PPARD: variants seen among roughly 807,000 people sequenced by gnomAD.
PPARD encodes the protein peroxisome proliferator activated receptor delta.
PPARD carries 6 observed loss-of-function variants against 39.5 expected under a neutral mutation model. The observed-to-expected ratio is 0.15, with a 90% CI of 0.08 to 0.30. The LOEUF (loss-of-function observed/expected upper bound fraction) is 0.30. PPARD is among the 10% of genes least tolerant of loss of function. PPARD has a pLI of 1.00. For synonymous variants in PPARD, 210 were observed against 231.3 expected, an observed-to-expected ratio of 0.91 and a Z score of 0.83; for missense variants, 397 against 596.8, an observed-to-expected ratio of 0.67 and a Z score of 3.49.
At chr6:35,364,467 T>G (rs1762081392) in intron 2 of PPARD, among the ~76,000 whole-genome samples, 1 of 148,120 alleles carries the variant, frequency 6.8e-6, no homozygotes, top group Non-Finnish European at 1.5e-5. Flanking sequence ...GGCATCTTGC[T>G]CTGTTGCCCA....
chr6:35,426,236 C>G lies in PPARD; in HGVS notation c.*157C>G, dbSNP rs200591457. 5 of 959,120 alleles carry G rather than the reference C, an allele frequency of 5.2e-6. No homozygotes were observed. Among genetic ancestry groups the G allele is most frequent in the Admixed American group, 2.8e-5 (1 of 35,276 alleles). The allele number at this position is 959,120 out of a possible 1,614,324, so 59.4% of individuals were successfully genotyped here. On this transcript the variant is annotated 3_prime_UTR_variant, in exon 8 of 8. Transcript: ENST00000360694. ...ACATGACACCCACGGCCTCTGGCTC[C>G]CTGTGCCCTCTCTCCCGCTTCCTCC...
intron 2 of PPARD, among the ~76,000 whole-genome samples, chr6:35,353,008 C>T (rs1169249031): frequency 1.3e-5 from 2 of 152,146 alleles, no homozygotes; most frequent in African/African-American, 2.4e-5. Context: ...AGAAACAGGC[C>T]TCCTTGGAGA....
intron 2 of PPARD, among the ~76,000 whole-genome samples, chr6:35,368,984 G>A (rs934130082): frequency 6.6e-6 from 1 of 152,174 alleles, no homozygotes; most frequent in African/African-American, 2.4e-5. Flanking sequence ...CAACCCTAGA[G>A]ATACCTAGGT....
intron 2 of PPARD, among the ~76,000 whole-genome samples, chr6:35,409,725 G>T (rs1164671970): frequency 6.6e-6 from 1 of 152,108 alleles, no homozygotes; most frequent in Non-Finnish European, 1.5e-5. Flanking sequence ...CCACCCTCAA[G>T]TAGGCCCCGA....
chr6:35,376,965 A>T (rs1298063372), intron 2 of PPARD, among the ~76,000 whole-genome samples: 2 of 150,444 alleles, frequency 1.3e-5, no homozygotes, highest in East Asian at 4.0e-4. Context: ...GCTTGCAGTG[A>T]GCTGAGATCA....
chr6:35,406,695 T>C (rs1173166751), intron 2 of PPARD, among the ~76,000 whole-genome samples: 2 of 152,158 alleles, frequency 1.3e-5, no homozygotes, highest in Non-Finnish European at 2.9e-5. Context: ...TTCAGAACTC[T>C]AGCCAGAGTC....
At chr6:35,423,697 T>C (rs1277329587) in intron 5 of PPARD, among the ~76,000 whole-genome samples, 1 of 151,512 alleles carries the variant, frequency 6.6e-6, no homozygotes, top group Non-Finnish European at 1.5e-5. Context: ...CCTTGTGTGC[T>C]GGGCACTGTG....
chr6:35,396,569 G>C (rs1187016838), intron 2 of PPARD, among the ~76,000 whole-genome samples: 1 of 145,486 alleles, frequency 6.9e-6, no homozygotes, highest in Non-Finnish European at 1.5e-5. Flanking sequence ...GGTGGCTCAT[G>C]CCTATAATCC....
rs557731802 is a variant in PPARD, at chr6:35,347,851, C to T, written c.-102+701C>T. On this transcript the variant is annotated intron_variant, in intron 2 of 7. Transcript: ENST00000360694. ...CTGGAACTCCTGACCTCAGGTGATC[C>T]GCCCGCCTCAGCCTCCCAAAGTGCT... is the stretch of plus-strand genomic sequence containing the variant. Among the ~76,000 whole-genome samples the T allele has an allele frequency of 4.7e-4, 69 of 148,082 alleles. No homozygotes were observed. The South Asian group carries it at 8.7e-3, about 19-fold the overall frequency.
chr6:35,410,912 A>G, intron 2 of PPARD, 75 bp from the exon 3 acceptor site: 2 of 1,250,950 alleles, frequency 1.6e-6, no homozygotes, highest in Non-Finnish European at 2.0e-6. Context: ...GCAGCCCCCA[A>G]GCGTGCCCCA....
At chr6:35,386,702 G>T (rs556155423) in intron 2 of PPARD, among the ~76,000 whole-genome samples, 2 of 152,160 alleles carry the variant, frequency 1.3e-5, no homozygotes, top group Admixed American at 1.3e-4. Context: ...CCCTGAAGAT[G>T]AACTCCTCAA....
chr6:35,352,494 T>C (rs1041530366), intron 2 of PPARD, among the ~76,000 whole-genome samples: 1 of 152,222 alleles, frequency 6.6e-6, no homozygotes, highest in Non-Finnish European at 1.5e-5. Context: ...ACAAAGAATA[T>C]TTAAAAGACA....
rs1190559790 is a variant in PPARD at position 35,356,015 on chromosome 6, C to T, written c.-102+8865C>T. ...CTTTCACTCCTAACTTCTACCCAGC[C>T]TCATGGTCACCTCAGCAGCTCTCCT... On this transcript the variant is annotated intron_variant, in intron 2 of 7. Coordinates refer to ENST00000360694, the MANE Select transcript of PPARD (RefSeq NM_006238.5). Among the ~76,000 whole-genome samples, 4 of 152,064 alleles carry T rather than the reference C, an allele frequency of 2.6e-5. No homozygotes were observed. The East Asian group carries it at 7.8e-4, about 29-fold the overall frequency.
intron 2 of PPARD, among the ~76,000 whole-genome samples, chr6:35,409,313 G>A (rs773034416): frequency 5.9e-5 from 9 of 151,820 alleles, no homozygotes; most frequent in Non-Finnish European, 1.2e-4. Context: ...AAAACCAGCC[G>A]GGGCAACATA....
intron 2 of PPARD, among the ~76,000 whole-genome samples, chr6:35,355,583 T>TTTC (rs1213702796): frequency 5.4e-4 from 58 of 107,490 alleles, no homozygotes; most frequent in Non-Finnish European, 6.2e-4. Flanking sequence ...AAAAAAGTGC[T>TTTC]TTCTTCTTCT....
rs564988197 is a variant in PPARD, at chr6:35,354,329, G to A, written c.-102+7179G>A. 3.8e-4 allele frequency among the ~76,000 whole-genome samples: 54 copies of A among 141,590 alleles called. No individual in the cohort carries two copies. In the South Asian group the frequency reaches 4.4e-3, roughly 12 times the overall value. The allele number at this position is 141,590 out of a possible 152,430, so 92.9% of individuals were successfully genotyped here. Reference sequence around the variant, plus strand: ...CTTTTTTTTTTTTTTTTGAGATGGCGTCTCACTCTTGCCCAGGCTGCAGTG... The same window carrying A: ...CTTTTTTTTTTTTTTTTGAGATGGCATCTCACTCTTGCCCAGGCTGCAGTG... On this transcript the variant is annotated intron_variant, in intron 2 of 7. Coordinates refer to ENST00000360694, the MANE Select transcript of PPARD (RefSeq NM_006238.5).
At position 35,411,209 on chromosome 6, in the gene PPARD, G is replaced by A; in HGVS notation, c.122G>A (p.Ser41Asn). Residue 41 changes from serine to asparagine, a missense_variant, in exon 3 of 8, where the codon AGC (serine) becomes AAC (asparagine). Transcript: ENST00000360694. ...GGPQHALPSS[S>N]YTDLSRSSSP... Reference sequence around the variant, plus strand: ...CCACAGCATGCACTTCCTTCCAGCAGCTACACAGGTGAGGAGAGGACTGGC... The same window carrying A: ...CCACAGCATGCACTTCCTTCCAGCAACTACACAGGTGAGGAGAGGACTGGC... 1 of 1,536,294 alleles carries A rather than the reference G, an allele frequency of 6.5e-7. No individual in the cohort carries two copies.
At chr6:35,384,781 G>GT in intron 2 of PPARD, among the ~76,000 whole-genome samples, 1 of 25,976 alleles carries the variant, frequency 3.8e-5, no homozygotes, top group East Asian at 8.1e-4. Context: ...CATCCGGGAG[G>GT]GAGGTGGGGG....
chr6:35,428,083 T>C lies in PPARD; in HGVS notation c.*2004T>C, dbSNP rs1766703357. 6.6e-6 allele frequency: 1 copy of C among 152,658 alleles called. No homozygotes were observed. The highest frequency in any genetic ancestry group is 2.1e-4 in the South Asian group (1 of 4,836). 9.5% of individuals were successfully genotyped at this position (152,658 alleles called of 1,614,324 possible). A position where few individuals can be genotyped will look rare whatever the true frequency, so the allele number is the denominator to read the frequency against. On this transcript the variant is annotated 3_prime_UTR_variant, in exon 8 of 8. Coordinates refer to ENST00000360694, the MANE Select transcript of PPARD (RefSeq NM_006238.5). Reference sequence around the variant, plus strand: ...CTGAACAATCTCCAAAATTGAAATGTATATTTTTGCTAGGAGCCCCAGCTT... The same window carrying C: ...CTGAACAATCTCCAAAATTGAAATGCATATTTTTGCTAGGAGCCCCAGCTT...
Sources: gnomAD v4.1 joint callset for allele counts (sites outside exome capture counted in the v4.1 genomes callset) on GRCh38, gnomAD v4.1.1 for gene constraint, MANE v1.5 for transcripts, NCBI Gene and HGNC (gene_info 2026-07-23, HGNC 2026-07-21) for gene names.